The following ASIC2 variants were observed in gnomAD, a reference collection of about 807,000 sequenced individuals.
ASIC2 encodes acid sensing ion channel subunit 2.
In ASIC2, 25 loss-of-function variants were observed where a neutral mutation model predicts 57.3. That is an observed-to-expected ratio of 0.44 (90% confidence interval 0.32 to 0.61). ASIC2 has a LOEUF of 0.61. Ranked by LOEUF, ASIC2 falls within the 20% of genes least tolerant of loss-of-function variation. The pLI is 0.06. For missense variants in ASIC2, 641 were observed against 738.1 expected, an observed-to-expected ratio of 0.87 and a Z score of 1.52; for synonymous variants, 319 against 307.5, an observed-to-expected ratio of 1.04 and a Z score of -0.39.
At chr17:33,396,077 T>G (rs1194573621) in intron 1 of ASIC2, among the ~76,000 whole-genome samples, 1 of 152,234 alleles carries the variant, frequency 6.6e-6, no homozygotes, top group Non-Finnish European at 1.5e-5. Context: ...TTTCCCTACC[T>G]AAACAGACCT....
intron 1 of ASIC2, among the ~76,000 whole-genome samples, chr17:33,709,905 G>A (rs1051929253): frequency 6.6e-6 from 1 of 152,182 alleles, no homozygotes; most frequent in African/African-American, 2.4e-5. Context: ...CCAGTGACAT[G>A]GATGCTCAAG....
chr17:33,535,441 G>GT lies in ASIC2; in HGVS notation c.556-423375dup, dbSNP rs571552397. Reference sequence around the variant, plus strand: ...GCGCCTGCCACCATGCCCGGCTAAGGTTTTTTTTTGTATTTTTAGTAGAGA... The same window carrying GT: ...GCGCCTGCCACCATGCCCGGCTAAGGTTTTTTTTTTGTATTTTTAGTAGAGA... On this transcript the variant is annotated intron_variant, in intron 1 of 9. Transcript: ENST00000359872. 1.3e-3 allele frequency among the ~76,000 whole-genome samples: 199 copies of GT among 150,874 alleles called. 3 individuals are homozygous for GT. In the South Asian group the frequency reaches 0.021, roughly 16 times the overall value.
At chr17:33,669,714 C>T (rs1201397992) in intron 1 of ASIC2, among the ~76,000 whole-genome samples, 1 of 152,156 alleles carries the variant, frequency 6.6e-6, no homozygotes, top group African/African-American at 2.4e-5. Flanking sequence ...GCGATGAAAA[C>T]ATTAAACAAA....
At chr17:33,613,371 T>C (rs1012856134) in intron 1 of ASIC2, among the ~76,000 whole-genome samples, 8 of 80,868 alleles carry the variant, frequency 9.9e-5, no homozygotes, top group Non-Finnish European at 2.5e-4. Context: ...TGTGTATTCT[T>C]TTTTTTTTTT....
intron 1 of ASIC2, among the ~76,000 whole-genome samples, chr17:33,145,241 G>A (rs571297863): frequency 1.3e-5 from 2 of 152,352 alleles, no homozygotes; most frequent in African/African-American, 2.4e-5. Flanking sequence ...TCCAGCTCAG[G>A]TCTGCACCCT....
intron 1 of ASIC2, among the ~76,000 whole-genome samples, chr17:33,781,169 C>T (rs148339579): frequency 1.4e-3 from 207 of 152,270 alleles, no homozygotes; most frequent in African/African-American, 4.5e-3. Context: ...AAAGTGCCCG[C>T]GTTTAATGTT....
chr17:33,202,032 A>G (rs1320395140), intron 1 of ASIC2, among the ~76,000 whole-genome samples: 1 of 151,512 alleles, frequency 6.6e-6, no homozygotes, highest in Non-Finnish European at 1.5e-5. Context: ...AAAAAAAAAA[A>G]AAAAGAAAAA....
intron 1 of ASIC2, chr17:33,931,265 G>A (rs1001436936): frequency 2.0e-5 from 3 of 152,266 alleles, no homozygotes; most frequent in African/African-American, 4.8e-5. Context: ...AGAGGGTCGT[G>A]ATCGATTGAG....
chr17:33,557,677 C>T (rs774309445), intron 1 of ASIC2, among the ~76,000 whole-genome samples: 2 of 152,068 alleles, frequency 1.3e-5, no homozygotes, highest in Non-Finnish European at 1.5e-5. Context: ...CAGGGTTTGC[C>T]GTCTGACTAT....
At chr17:33,525,238 C>T (rs960131671) in intron 1 of ASIC2, among the ~76,000 whole-genome samples, 6 of 152,148 alleles carry the variant, frequency 3.9e-5, no homozygotes, top group African/African-American at 1.2e-4. Flanking sequence ...CCTAGCATTC[C>T]CTGCCACCAG....
At chr17:33,466,629 T>A (rs1316634350) in intron 1 of ASIC2, among the ~76,000 whole-genome samples, 1 of 152,194 alleles carries the variant, frequency 6.6e-6, no homozygotes, top group Admixed American at 6.5e-5. Flanking sequence ...AACAGCATGG[T>A]ACTGGTACCA....
chr17:34,112,781 G>A (rs752395804), intron 1 of ASIC2, among the ~76,000 whole-genome samples: 38 of 152,274 alleles, frequency 2.5e-4, no homozygotes, highest in Non-Finnish European at 4.9e-4. Flanking sequence ...TTGTAAGCTC[G>A]TGTCTGTGGG....
At chr17:33,363,324 G>A (rs1310415456) in intron 1 of ASIC2, among the ~76,000 whole-genome samples, 4 of 152,172 alleles carry the variant, frequency 2.6e-5, no homozygotes, top group Admixed American at 1.3e-4. Context: ...CTTTAGAAAA[G>A]CATGGCTTAG....
At chr17:33,947,472 A>G (rs1597944139) in intron 1 of ASIC2, among the ~76,000 whole-genome samples, 2 of 152,236 alleles carry the variant, frequency 1.3e-5, no homozygotes, top group East Asian at 3.9e-4. Flanking sequence ...TAGAAGAGGA[A>G]TTGAGGATAC....
chr17:33,114,337 A>C (rs900938983), intron 1 of ASIC2, among the ~76,000 whole-genome samples: 1 of 152,402 alleles, frequency 6.6e-6, no homozygotes, highest in East Asian at 1.9e-4. Flanking sequence ...TGTAATGAAC[A>C]GATAAGAGCA....
chr17:33,307,802 AGG>A (rs1212699973), intron 1 of ASIC2, among the ~76,000 whole-genome samples: 1 of 148,934 alleles, frequency 6.7e-6, no homozygotes, highest in Non-Finnish European at 1.5e-5. Flanking sequence ...CCTGCCTTGC[AGG>A]GTCAGCATAA....
At chr17:33,157,186 T>C (rs182025087) in intron 1 of ASIC2, among the ~76,000 whole-genome samples, 1 of 152,288 alleles carries the variant, frequency 6.6e-6, no homozygotes, top group East Asian at 1.9e-4. Context: ...TTCATTACCT[T>C]GCTTGTCCAA....
chr17:33,679,683 A>AAGATGAGCTTAAGAT (rs1193122406), intron 1 of ASIC2, among the ~76,000 whole-genome samples: 3 of 152,210 alleles, frequency 2.0e-5, no homozygotes, highest in African/African-American at 7.2e-5. Context: ...AAGCCTCCTG[A>AAGATGAGCTTAAGAT]GAAGGTCCTT....
chr17:33,599,412 C>G (rs1905070154), intron 1 of ASIC2, among the ~76,000 whole-genome samples: 1 of 152,154 alleles, frequency 6.6e-6, no homozygotes, highest in African/African-American at 2.4e-5. Context: ...TGTCTCAGGA[C>G]ATGTAGGAGG....
Sources: allele counts gnomAD v4.1 joint callset (sites outside exome capture counted in the v4.1 genomes callset), GRCh38; gene constraint gnomAD v4.1.1; transcripts MANE v1.5; gene names NCBI Gene and HGNC (gene_info 2026-07-23, HGNC 2026-07-21).